Variants in CNTNAP2 observed in about 807,000 individuals in gnomAD.
CNTNAP2 encodes the protein contactin-associated protein-like 2.
A neutral mutation model predicts 155.2 loss-of-function variants in CNTNAP2; 98 were observed. That is an observed-to-expected ratio of 0.63 (90% CI 0.54 to 0.75). The LOEUF is 0.75. Among genes scored for constraint, CNTNAP2 ranks in the 30% least tolerant of loss-of-function variants. The pLI is 0.00. For synonymous variants in CNTNAP2, 651 were observed against 631.2 expected, an observed-to-expected ratio of 1.03 and a Z score of -0.47; for missense variants, 1,727 against 1,688.1, an observed-to-expected ratio of 1.02 and a Z score of -0.40.
chr7:147,082,914 C>G (rs904336578), intron 4 of CNTNAP2: 7 of 152,108 alleles, frequency 4.6e-5, no homozygotes, highest in African/African-American at 1.7e-4. Flanking sequence ...TGGCCACACC[C>G]TTTCAGTTCT....
intron 20 of CNTNAP2, among the ~76,000 whole-genome samples, chr7:148,257,235 G>C (rs182830584): frequency 6.6e-4 from 100 of 152,264 alleles, no homozygotes; most frequent in African/African-American, 2.1e-3. Flanking sequence ...AGAGGCAAAG[G>C]CTCCCTGACT....
chr7:147,259,548 A>G lies in CNTNAP2; in HGVS notation c.1349-40593A>G, dbSNP rs1275646101. Among the ~76,000 whole-genome samples, 5 of 152,242 alleles carry G rather than the reference A, an allele frequency of 3.3e-5. No homozygotes were observed. The East Asian group carries it at 7.7e-4, about 23-fold the overall frequency. ...ATATATGAATTCTTCAGAGAAGACA[A>G]TGTTTACACAGGGTGAAATTCAAAC... On this transcript the variant is annotated intron_variant, in intron 8 of 23. Transcript: ENST00000361727.
chr7:147,144,615 G>A (rs550105339), intron 8 of CNTNAP2, among the ~76,000 whole-genome samples: 32 of 152,180 alleles, frequency 2.1e-4, no homozygotes, highest in Non-Finnish European at 3.8e-4. Flanking sequence ...ATAGCAAATG[G>A]TTTGTTCATA....
At chr7:146,878,297 A>C (rs1795469909) in intron 3 of CNTNAP2, among the ~76,000 whole-genome samples, 1 of 151,752 alleles carries the variant, frequency 6.6e-6, no homozygotes, top group African/African-American at 2.4e-5. Flanking sequence ...AAACCCTGGG[A>C]GGAGAGGGGA....
At chr7:146,952,278 T>G (rs1396190797) in intron 3 of CNTNAP2, among the ~76,000 whole-genome samples, 1 of 152,078 alleles carries the variant, frequency 6.6e-6, no homozygotes, top group Admixed American at 6.6e-5. Context: ...GGAACATATC[T>G]CAAAATAATA....
At chr7:147,870,097 T>C (rs1355049758) in intron 13 of CNTNAP2, among the ~76,000 whole-genome samples, 1 of 152,086 alleles carries the variant, frequency 6.6e-6, no homozygotes, top group East Asian at 1.9e-4. Context: ...AATGGCAGAA[T>C]TGTTGTGTTA....
chr7:146,427,156 A>G (rs1161170823), intron 1 of CNTNAP2, among the ~76,000 whole-genome samples: 3 of 152,206 alleles, frequency 2.0e-5, no homozygotes, highest in Non-Finnish European at 4.4e-5. Flanking sequence ...GATTATTTAT[A>G]TATGCATCTT....
chr7:146,931,956 A>G (rs2129223138), intron 3 of CNTNAP2, among the ~76,000 whole-genome samples: 1 of 152,032 alleles, frequency 6.6e-6, no homozygotes, highest in Admixed American at 6.6e-5. Flanking sequence ...TAGCTTACCA[A>G]CCAAAAAGAG....
At chr7:146,578,343 A>G (rs576778015) in intron 1 of CNTNAP2, among the ~76,000 whole-genome samples, 3 of 152,092 alleles carry the variant, frequency 2.0e-5, no homozygotes, top group East Asian at 1.9e-4. Flanking sequence ...GAAGCACTCA[A>G]TATTTAATTT....
At chr7:146,563,108 G>A (rs1194463492) in intron 1 of CNTNAP2, among the ~76,000 whole-genome samples, 8 of 152,094 alleles carry the variant, frequency 5.3e-5, no homozygotes, top group African/African-American at 1.4e-4. Flanking sequence ...AAGAAAATAC[G>A]GAAGTGAACT....
chr7:148,362,209 A>AG (rs1477576538), intron 21 of CNTNAP2, among the ~76,000 whole-genome samples: 9 of 121,122 alleles, frequency 7.4e-5, no homozygotes, highest in Admixed American at 6.3e-4. Flanking sequence ...AAAAAAAAAA[A>AG]CAAAAAACAA....
intron 17 of CNTNAP2, among the ~76,000 whole-genome samples, chr7:148,159,360 T>A (rs1352248535): frequency 6.6e-6 from 1 of 152,214 alleles, no homozygotes; most frequent in Non-Finnish European, 1.5e-5. Context: ...ATACATATCA[T>A]TGTGGAAATT....
intron 21 of CNTNAP2, among the ~76,000 whole-genome samples, chr7:148,299,287 G>T (rs1047230216): frequency 6.6e-6 from 1 of 152,120 alleles, no homozygotes; most frequent in Non-Finnish European, 1.5e-5. Context: ...ACCACACCCG[G>T]CCCCAACTTT....
chr7:146,137,752 A>AT (rs978632334), intron 1 of CNTNAP2, among the ~76,000 whole-genome samples: 9 of 151,716 alleles, frequency 5.9e-5, no homozygotes, highest in East Asian at 5.8e-4. Flanking sequence ...ACCAAGGTTA[A>AT]TTTTTTTTCA....
At chr7:146,734,480 AATGATGAT>A (rs1287831335) in intron 1 of CNTNAP2, among the ~76,000 whole-genome samples, 1 of 151,972 alleles carries the variant, frequency 6.6e-6, no homozygotes, top group Non-Finnish European at 1.5e-5. Context: ...TATAAGAAGG[AATGATGAT>A]ATTATCACAC....
chr7:147,694,498 T>G (rs1360535369), intron 13 of CNTNAP2, among the ~76,000 whole-genome samples: 1 of 152,176 alleles, frequency 6.6e-6, no homozygotes, highest in Non-Finnish European at 1.5e-5. Context: ...TAGAAGGTTA[T>G]TAATTATTGA....
At chr7:146,427,697 A>G (rs770170199) in intron 1 of CNTNAP2, among the ~76,000 whole-genome samples, 8 of 152,198 alleles carry the variant, frequency 5.3e-5, no homozygotes, top group Non-Finnish European at 7.3e-5. Context: ...CTATAGCTAT[A>G]TATGCTCATT....
chr7:148,092,873 T>C (rs1356635455), intron 15 of CNTNAP2, among the ~76,000 whole-genome samples: 1 of 128,158 alleles, frequency 7.8e-6, no homozygotes, highest in Non-Finnish European at 1.6e-5. Context: ...ACACACAGTC[T>C]CAATTTAAAA....
chr7:147,511,558 A>C (rs1799021366), intron 11 of CNTNAP2, among the ~76,000 whole-genome samples: 1 of 151,564 alleles, frequency 6.6e-6, no homozygotes, highest in Non-Finnish European at 1.5e-5. Context: ...ATCGTGGGGC[A>C]TATTTTTTAT....
Sources: gnomAD v4.1 joint callset for allele counts (sites outside exome capture counted in the v4.1 genomes callset) on GRCh38, gnomAD v4.1.1 for gene constraint, MANE v1.5 for transcripts, NCBI Gene and HGNC (gene_info 2026-07-23, HGNC 2026-07-21) for gene names.